Variants in PCDH15 observed in about 807,000 individuals in gnomAD.
PCDH15 encodes protocadherin related 15.
PCDH15 carries 129 observed loss-of-function variants against 178.5 expected under a neutral mutation model. The ratio of observed to expected loss-of-function variants is 0.72; its 90% CI spans 0.63 to 0.84. PCDH15 has a LOEUF of 0.84. PCDH15 is among the 40% of genes least tolerant of loss of function. The pLI, the probability that PCDH15 is intolerant of heterozygous loss-of-function variation, is 0.00. For missense variants in PCDH15, 2,230 were observed against 2,099.9 expected, an observed-to-expected ratio of 1.06 and a Z score of -1.21; for synonymous variants, 800 against 732.0, an observed-to-expected ratio of 1.09 and a Z score of -1.50.
At chr10:53,985,998 GT>G (rs2091072939) in intron 21 of PCDH15, among the ~76,000 whole-genome samples, 3 of 152,024 alleles carry the variant, frequency 2.0e-5, no homozygotes, top group Non-Finnish European at 4.4e-5. Context: ...TATTTCTTTT[GT>G]TTTTAGAACA....
At chr10:55,192,452 A>G (rs190075536) in intron 1 of PCDH15, among the ~76,000 whole-genome samples, 2 of 152,038 alleles carry the variant, frequency 1.3e-5, no homozygotes, top group East Asian at 3.9e-4. Flanking sequence ...AAACCGACTC[A>G]GAATGTTTCA....
chr10:55,455,749 ACCT>A (rs1243031625), intron 2 of PCDH15, among the ~76,000 whole-genome samples: 3 of 152,072 alleles, frequency 2.0e-5, no homozygotes, highest in Admixed American at 1.3e-4. Flanking sequence ...TTTATTAATG[ACCT>A]CCTCAATTTC....
At chr10:55,567,446 A>AT (rs1842324253) in intron 2 of PCDH15, among the ~76,000 whole-genome samples, 1 of 151,688 alleles carries the variant, frequency 6.6e-6, no homozygotes, top group Non-Finnish European at 1.5e-5. Flanking sequence ...AAAAAAAAAA[A>AT]GAAGATGAAA....
intron 2 of PCDH15, among the ~76,000 whole-genome samples, chr10:55,609,039 C>CACACAG (rs1843299009): frequency 6.6e-6 from 1 of 151,798 alleles, no homozygotes; most frequent in East Asian, 1.9e-4. Context: ...CACACACACA[C>CACACAG]ACACACGCAC....
chr10:54,915,008 C>A (rs1308913744), intron 2 of PCDH15, among the ~76,000 whole-genome samples: 2 of 152,146 alleles, frequency 1.3e-5, no homozygotes, highest in African/African-American at 2.4e-5. Context: ...ACTGGTGAAA[C>A]CTAGACATTT....
At chr10:53,845,602 T>C (rs1396080056) in intron 28 of PCDH15, among the ~76,000 whole-genome samples, 1 of 151,866 alleles carries the variant, frequency 6.6e-6, no homozygotes, top group African/African-American at 2.4e-5. Flanking sequence ...AAGGTTATTA[T>C]GTAAAGTGGA....
chr10:54,462,512 C>CTTTTTTTTTTTTTTTTTT (rs562731025), intron 3 of PCDH15, among the ~76,000 whole-genome samples: 12 of 66,886 alleles, frequency 1.8e-4, no homozygotes, highest in African/African-American at 2.9e-4. Context: ...TTTTTCTTTT[C>CTTTTTTTTTTTTTTTTTT]TTTTTTTTTT....
chr10:55,222,174 C>CAG (rs1840896368), intron 1 of PCDH15, among the ~76,000 whole-genome samples: 1 of 151,832 alleles, frequency 6.6e-6, no homozygotes, highest in Admixed American at 6.6e-5. Flanking sequence ...CGCGCCCAGC[C>CAG]TATATAATTT....
At chr10:54,216,011 A>ACTGCACTC in intron 9 of PCDH15, among the ~76,000 whole-genome samples, 1 of 136,560 alleles carries the variant, frequency 7.3e-6, no homozygotes, top group Admixed American at 7.7e-5. Context: ...CCACTGCACT[A>ACTGCACTC]CAGCCTGGGC....
rs55885556 is a variant in PCDH15, at chr10:55,152,962, T to C, written c.-80+13614A>G. ...CCCTCTCACCACCATGAATTTTTTT[T>C]TTAATGTAGGTATAGGTAACTTTGT... On this transcript the variant is annotated intron_variant, in intron 2 of 5. Transcript: ENST00000458638. Among the ~76,000 whole-genome samples, 433 of 152,212 alleles carry C rather than the reference T, an allele frequency of 2.8e-3. 1 individual carries two copies. Among genetic ancestry groups the C allele is most frequent in the Non-Finnish European group, 4.7e-3 (322 of 67,994 alleles).
intron 2 of PCDH15, among the ~76,000 whole-genome samples, chr10:55,084,649 G>A (rs1400849038): frequency 6.6e-6 from 1 of 151,846 alleles, no homozygotes; most frequent in Non-Finnish European, 1.5e-5. Context: ...CCCACAAAAT[G>A]GGAGAAAATA....
At chr10:54,355,000 T>C (rs1179258669) in intron 5 of PCDH15, among the ~76,000 whole-genome samples, 1 of 151,724 alleles carries the variant, frequency 6.6e-6, no homozygotes, top group Non-Finnish European at 1.5e-5. Flanking sequence ...GAAGTCTCAA[T>C]AATGTTCCAC....
Position 53,803,182 on chromosome 10 carries a change from C to T in PCDH15, c.*3397G>A, listed in dbSNP as rs1209636587. The T allele has an allele frequency of 6.6e-6, 1 of 151,872 alleles. No homozygotes were observed. Among genetic ancestry groups the T allele is most frequent in the Non-Finnish European group, 1.5e-5 (1 of 67,852 alleles). The allele number at this position is 151,872 out of a possible 1,614,324, so 9.4% of individuals were successfully genotyped here. The stretch of plus-strand genomic sequence containing the variant: ...TTTTGAACCTATCCTTCAGCCTTAT[C>T]GCTGTGTAATTTGCAGGCACCAATA... On this transcript the variant is annotated 3_prime_UTR_variant, in exon 38 of 38. Transcript: ENST00000644397.
intron 2 of PCDH15, among the ~76,000 whole-genome samples, chr10:55,165,232 A>AT (rs894603106): frequency 3.9e-5 from 6 of 152,014 alleles, no homozygotes; most frequent in Admixed American, 2.0e-4. Flanking sequence ...ATTTCATGTG[A>AT]TTTTTTTGCA....
intron 2 of PCDH15, among the ~76,000 whole-genome samples, chr10:55,013,594 T>C (rs909355059): frequency 2.0e-5 from 3 of 152,180 alleles, no homozygotes; most frequent in Non-Finnish European, 1.5e-5. Context: ...TCAGTGATCC[T>C]ATAAATAATT....
intron 8 of PCDH15, among the ~76,000 whole-genome samples, chr10:54,315,925 T>TTG (rs2061232014): frequency 8.9e-6 from 1 of 112,286 alleles, no homozygotes; most frequent in African/African-American, 3.1e-5. Context: ...CTTTAATAGT[T>TTG]TGTGTGTTTT....
chr10:55,572,699 A>G (rs1473174494), intron 2 of PCDH15, among the ~76,000 whole-genome samples: 1 of 152,034 alleles, frequency 6.6e-6, no homozygotes, highest in Non-Finnish European at 1.5e-5. Context: ...GTTGAGGGCA[A>G]TATTTCAGAT....
chr10:54,440,175 A>T (rs1238193061), intron 3 of PCDH15, among the ~76,000 whole-genome samples: 1 of 152,022 alleles, frequency 6.6e-6, no homozygotes, highest in Non-Finnish European at 1.5e-5. Flanking sequence ...TTTTTCATTC[A>T]CAACAAAAAC....
chr10:55,362,898 A>G (rs1273500591), intron 2 of PCDH15, among the ~76,000 whole-genome samples: 1 of 152,178 alleles, frequency 6.6e-6, no homozygotes, highest in African/African-American at 2.4e-5. Context: ...CCTGGGCCAC[A>G]CTGGAAGAAG....
Sources: allele counts gnomAD v4.1 joint callset (sites outside exome capture counted in the v4.1 genomes callset), GRCh38; gene constraint gnomAD v4.1.1; transcripts MANE v1.5; gene names NCBI Gene and HGNC (gene_info 2026-07-23, HGNC 2026-07-21).